Variants in BMPR1A observed in about 807,000 individuals in gnomAD.
BMPR1A encodes bone morphogenetic protein receptor type 1A.
Under a neutral mutation model 66.0 loss-of-function variants are expected in BMPR1A, and 7 were observed. The observed-to-expected ratio is 0.11, with a 90% CI of 0.06 to 0.20. BMPR1A has a LOEUF of 0.20. Ranked by LOEUF, BMPR1A falls within the 10% of genes least tolerant of loss-of-function variation. The pLI is 1.00. For synonymous variants in BMPR1A, 200 were observed against 229.7 expected, an observed-to-expected ratio of 0.87 and a Z score of 1.17; for missense variants, 408 against 669.1, an observed-to-expected ratio of 0.61 and a Z score of 4.31.
At chr10:86,858,771 T>C (rs1483581827) in intron 2 of BMPR1A, among the ~76,000 whole-genome samples, 1 of 152,080 alleles carries the variant, frequency 6.6e-6, no homozygotes, top group East Asian at 1.9e-4. Flanking sequence ...TGAAGGAAAT[T>C]GAAGCGGGCA....
chr10:86,921,071 C>G (rs986668001), intron 10 of BMPR1A, among the ~76,000 whole-genome samples: 1 of 152,088 alleles, frequency 6.6e-6, no homozygotes, highest in East Asian at 1.9e-4. Context: ...CCAGGCTGAT[C>G]TTGAACACCT....
intron 2 of BMPR1A, among the ~76,000 whole-genome samples, chr10:86,869,853 T>C (rs558276249): frequency 1.3e-5 from 2 of 152,342 alleles, no homozygotes; most frequent in South Asian, 4.1e-4. Flanking sequence ...TGCTCAGTTA[T>C]TAATAATTAC....
rs529506737 is a variant in BMPR1A, at chr10:86,776,978, C to T, written c.-268+20059C>T. Among the ~76,000 whole-genome samples, 5 of 152,268 alleles carry T rather than the reference C, an allele frequency of 3.3e-5. No individual in the cohort carries two copies. In the East Asian group the frequency reaches 7.7e-4, roughly 24 times the overall value. ...CAGTTCTACCCTGATCATCACTTCC[C>T]ACTTTACTGGCTCATGCCTTCTAGT... On this transcript the variant is annotated intron_variant, in intron 1 of 12. Transcript: ENST00000372037.
At chr10:86,790,222 T>TATATATATATATATATAAAA (rs1841593777) in intron 1 of BMPR1A, among the ~76,000 whole-genome samples, 1 of 57,170 alleles carries the variant, frequency 1.7e-5, no homozygotes, top group African/African-American at 6.1e-5. Flanking sequence ...TATATATATA[T>TATATATATATATATATAAAA]ATATATATAT....
chr10:86,781,951 C>T (rs1841444404), intron 1 of BMPR1A, among the ~76,000 whole-genome samples: 1 of 151,076 alleles, frequency 6.6e-6, no homozygotes. Flanking sequence ...ACTGCAACCC[C>T]CGCCTCCCAG....
intron 7 of BMPR1A, among the ~76,000 whole-genome samples, chr10:86,910,593 G>T (rs1351658169): frequency 6.6e-6 from 1 of 152,136 alleles, no homozygotes; most frequent in Admixed American, 6.5e-5. Context: ...ATAGCTTAGG[G>T]ATAGAGCTGG....
chr10:86,832,444 C>T lies in BMPR1A; in HGVS notation c.-267-6421C>T, dbSNP rs1842283154. 2.1e-5 allele frequency among the ~76,000 whole-genome samples: 3 copies of T among 143,474 alleles called. 1 individual carries two copies. Among genetic ancestry groups the T allele is most frequent in the South Asian group, 4.4e-4 (2 of 4,570 alleles). The allele number at this position is 143,474 out of a possible 152,430, so 94.1% of individuals were successfully genotyped here. A position where few individuals can be genotyped will look rare whatever the true frequency, so the allele number is the denominator to read the frequency against. On this transcript the variant is annotated intron_variant, in intron 1 of 12. Transcript: ENST00000372037. ...TCGTGCCATTGCACTCCAGCCTGGG[C>T]GACAAGAGCGAAACTCCGTCTAAAA...
intron 3 of BMPR1A, among the ~76,000 whole-genome samples, chr10:86,876,954 T>C (rs1275598266): frequency 1.3e-5 from 2 of 152,236 alleles, no homozygotes; most frequent in African/African-American, 4.8e-5. Context: ...GTTATTGTGA[T>C]GACTCTTAGG....
At chr10:86,859,636 G>A (rs934297396) in intron 2 of BMPR1A, among the ~76,000 whole-genome samples, 4 of 151,932 alleles carry the variant, frequency 2.6e-5, no homozygotes, top group East Asian at 3.9e-4. Flanking sequence ...CCTGGCCAAC[G>A]CCATCTCTAC....
chr10:86,796,688 C>CA (rs2132828469), intron 1 of BMPR1A, among the ~76,000 whole-genome samples: 1 of 151,562 alleles, frequency 6.6e-6, no homozygotes, highest in South Asian at 2.1e-4. Context: ...GCAGTGCTTC[C>CA]ACCTCAGCCT....
intron 7 of BMPR1A, among the ~76,000 whole-genome samples, chr10:86,911,046 T>C (rs936794158): frequency 6.6e-6 from 1 of 151,592 alleles, no homozygotes; most frequent in African/African-American, 2.4e-5. Context: ...TCCCAGCCAC[T>C]TGGGAGGCTG....
chr10:86,831,694 G>A (rs1268036452), intron 1 of BMPR1A, among the ~76,000 whole-genome samples: 1 of 152,220 alleles, frequency 6.6e-6, no homozygotes, highest in African/African-American at 2.4e-5. Context: ...AGCCCAGTAG[G>A]TGGAGGCTAC....
At chr10:86,766,667 G>T (rs1841168083) in intron 1 of BMPR1A, among the ~76,000 whole-genome samples, 1 of 145,714 alleles carries the variant, frequency 6.9e-6, no homozygotes. Context: ...CCAGGCGGGA[G>T]TGCAGTGGCG....
intron 5 of BMPR1A, among the ~76,000 whole-genome samples, chr10:86,893,592 A>G (rs935997156): frequency 6.6e-6 from 1 of 152,152 alleles, no homozygotes; most frequent in African/African-American, 2.4e-5. Context: ...GATCAAGACC[A>G]TCCGGCTAAC....
chr10:86,886,211 G>A (rs1843065427), intron 3 of BMPR1A, among the ~76,000 whole-genome samples: 1 of 152,198 alleles, frequency 6.6e-6, no homozygotes. Context: ...AGTGATGATG[G>A]TGAGGCCTGC....
intron 1 of BMPR1A, among the ~76,000 whole-genome samples, chr10:86,774,523 G>A (rs1281940687): frequency 6.6e-6 from 1 of 152,020 alleles, no homozygotes; most frequent in East Asian, 1.9e-4. Context: ...AAGAATTGAT[G>A]ATTCTTATTT....
intron 1 of BMPR1A, among the ~76,000 whole-genome samples, chr10:86,823,278 T>C (rs1842145820): frequency 6.6e-6 from 1 of 152,242 alleles, no homozygotes. Context: ...GGTTTCCTGT[T>C]GATAGAGAAC....
intron 1 of BMPR1A, among the ~76,000 whole-genome samples, chr10:86,779,117 A>G (rs1195390009): frequency 1.3e-5 from 2 of 151,994 alleles, no homozygotes; most frequent in African/African-American, 4.8e-5. Context: ...TATGTATACC[A>G]TATTTTCTTT....
rs1488092061 is a variant in BMPR1A, at chr10:86,924,370, A to G, written c.*651A>G. 2 of 235,188 alleles carry G rather than the reference A, an allele frequency of 8.5e-6. No individual in the cohort carries two copies. The highest frequency in any genetic ancestry group is 1.7e-5 in the Non-Finnish European group (2 of 119,112). The allele number at this position is 235,188 out of a possible 1,614,324, so 14.6% of individuals were successfully genotyped here. A position where few individuals can be genotyped will look rare whatever the true frequency, so the allele number is the denominator to read the frequency against. On this transcript the variant is annotated 3_prime_UTR_variant, in exon 13 of 13. Coordinates refer to ENST00000372037, the MANE Select transcript of BMPR1A (RefSeq NM_004329.3). ...TGCTTTAAAAATGCAATATCTGACC[A>G]AGATTCGCCAATCTCATACAAGCCA...
Sources: gnomAD v4.1 joint callset for allele counts (sites outside exome capture counted in the v4.1 genomes callset) on GRCh38, gnomAD v4.1.1 for gene constraint, MANE v1.5 for transcripts, NCBI Gene and HGNC (gene_info 2026-07-23, HGNC 2026-07-21) for gene names.